Variants in IDE observed in about 807,000 individuals in gnomAD.
IDE encodes insulin-degrading enzyme.
Under a neutral mutation model 133.2 loss-of-function variants are expected in IDE, and 58 were observed. That is an observed-to-expected ratio of 0.44 (90% CI 0.35 to 0.54). IDE has a LOEUF of 0.54. IDE is among the 20% of genes least tolerant of loss of function. IDE has a pLI of 0.00. For synonymous variants in IDE, 396 were observed against 421.3 expected (o/e 0.94, Z 0.73); for missense variants, 981 against 1,234.0 (o/e 0.79, Z 3.07).
chr10:92,508,995 G>C lies in IDE; in HGVS notation c.898-105C>G, dbSNP rs1366633670. 4.7e-6 allele frequency: 4 copies of C among 852,590 alleles called. No homozygotes were observed. The African/African-American group carries it at 5.1e-5, about 11-fold the overall frequency. The allele number at this position is 852,590 out of a possible 1,614,324, so 52.8% of individuals were successfully genotyped here. On this transcript the variant is annotated intron_variant, in intron 6 of 24. Coordinates refer to ENST00000265986, the MANE Select transcript of IDE (RefSeq NM_004969.4). ...TCATGGGAGAATCCCAAATTTAAGA[G>C]CAAATCAATTGCCACAGAAAATGAT...
intron 1 of IDE, among the ~76,000 whole-genome samples, chr10:92,558,014 T>C (rs532758198): frequency 1.3e-5 from 2 of 152,096 alleles, no homozygotes; most frequent in South Asian, 4.1e-4. Context: ...TAATTCAAAA[T>C]AGATCAAAGA....
chr10:92,506,548 G>A (rs1848300333), intron 9 of IDE, 26 bp from the exon 10 acceptor site: 3 of 1,133,458 alleles, frequency 2.6e-6, no homozygotes, highest in African/African-American at 1.6e-5. Context: ...AATCCAATTA[G>A]ATACGGCCAC....
intron 21 of IDE, among the ~76,000 whole-genome samples, chr10:92,462,696 G>A (rs1032012765): frequency 2.6e-5 from 4 of 152,230 alleles, no homozygotes; most frequent in African/African-American, 9.6e-5. Flanking sequence ...CTGGCTCTCT[G>A]GTTATGAGCT....
intron 16 of IDE, 77 bp downstream of exon 16, chr10:92,475,806 AT>A: frequency 1.6e-6 from 1 of 612,968 alleles, no homozygotes; most frequent in South Asian, 2.3e-5. Context: ...CTTTTATATT[AT>A]AAAAACTATT....
intron 4 of IDE, among the ~76,000 whole-genome samples, chr10:92,517,845 G>A (rs1849009589): frequency 6.6e-6 from 1 of 152,068 alleles, no homozygotes; most frequent in Admixed American, 6.6e-5. Flanking sequence ...GAAACCAGGA[G>A]GCAGAGACTG....
chr10:92,532,856 T>G (rs1257014650), intron 3 of IDE, among the ~76,000 whole-genome samples: 1 of 152,212 alleles, frequency 6.6e-6, no homozygotes, highest in African/African-American at 2.4e-5. Flanking sequence ...AACATCTCAG[T>G]TACTACGCCT....
intron 1 of IDE, among the ~76,000 whole-genome samples, chr10:92,545,246 C>A (rs1451129360): frequency 6.6e-6 from 1 of 151,984 alleles, no homozygotes; most frequent in Non-Finnish European, 1.5e-5. Flanking sequence ...TAGTTCTAAC[C>A]AGTCCAAATA....
At chr10:92,511,084 TA>T (rs35891632) in intron 5 of IDE, among the ~76,000 whole-genome samples, 5,635 of 108,136 alleles carry the variant, frequency 0.052, 113 homozygotes, top group Admixed American at 0.061. Context: ...AAAGCAGTGT[TA>T]AAAAAAAAAA....
At chr10:92,534,425 C>G (rs1850125119) in intron 3 of IDE, among the ~76,000 whole-genome samples, 153 bp downstream of exon 3, 1 of 152,128 alleles carries the variant, frequency 6.6e-6, no homozygotes, top group African/African-American at 2.4e-5. Context: ...AATATGACAT[C>G]ACTCATTTTT....
intron 4 of IDE, among the ~76,000 whole-genome samples, chr10:92,521,696 T>TAAG (rs1849234675): frequency 6.6e-6 from 1 of 151,580 alleles, no homozygotes; most frequent in Non-Finnish European, 1.5e-5. Flanking sequence ...ATTAAAATAA[T>TAAG]AATAATAATA....
At chr10:92,565,495 G>A (rs182034841) in intron 1 of IDE, among the ~76,000 whole-genome samples, 1 of 151,698 alleles carries the variant, frequency 6.6e-6, no homozygotes. Context: ...TCTTTGGCTA[G>A]AACTTCAGAC....
intron 4 of IDE, among the ~76,000 whole-genome samples, chr10:92,526,390 T>A (rs1256817167): frequency 3.9e-5 from 6 of 152,114 alleles, no homozygotes; most frequent in African/African-American, 1.4e-4. Context: ...AAAATCTATA[T>A]GGAATCAAGA....
chr10:92,542,894 A>G (rs997528728), intron 1 of IDE, among the ~76,000 whole-genome samples: 7 of 152,238 alleles, frequency 4.6e-5, no homozygotes, highest in African/African-American at 1.7e-4. Flanking sequence ...GGTCATTTCC[A>G]AATTCCACAC....
chr10:92,548,111 G>A (rs1440816983), intron 1 of IDE, among the ~76,000 whole-genome samples: 1 of 152,006 alleles, frequency 6.6e-6, no homozygotes, highest in Non-Finnish European at 1.5e-5. Flanking sequence ...TGTAATCCCA[G>A]CACTTTGGGA....
intron 1 of IDE, among the ~76,000 whole-genome samples, chr10:92,539,536 C>T (rs998763692): frequency 9.9e-5 from 15 of 151,960 alleles, no homozygotes; most frequent in African/African-American, 1.5e-4. Flanking sequence ...GAGGCTGAGA[C>T]GGGCGGATCA....
intron 1 of IDE, among the ~76,000 whole-genome samples, chr10:92,573,715 G>C (rs1168053810): frequency 6.6e-6 from 1 of 152,178 alleles, no homozygotes; most frequent in African/African-American, 2.4e-5. Flanking sequence ...CCCGACTCTG[G>C]ACCAGGCCTC....
chr10:92,533,681 A>C (rs1189950294), intron 3 of IDE, among the ~76,000 whole-genome samples: 1 of 151,592 alleles, frequency 6.6e-6, no homozygotes, highest in African/African-American at 2.4e-5. Context: ...TGCAACAAAA[A>C]AATTAGAAAT....
chr10:92,560,178 G>C (rs1193710106), intron 1 of IDE, among the ~76,000 whole-genome samples: 1 of 152,110 alleles, frequency 6.6e-6, no homozygotes, highest in African/African-American at 2.4e-5. Flanking sequence ...AGTTTGGCTG[G>C]TTGACTGTAA....
intron 21 of IDE, among the ~76,000 whole-genome samples, 169 bp downstream of exon 21, chr10:92,463,562 C>T (rs1845508219): frequency 6.6e-6 from 1 of 152,030 alleles, no homozygotes; most frequent in South Asian, 2.1e-4. Context: ...TAACAGAAAA[C>T]TGGGGTTAAA....
Sources: gnomAD v4.1 joint callset for allele counts (sites outside exome capture counted in the v4.1 genomes callset) on GRCh38, gnomAD v4.1.1 for gene constraint, MANE v1.5 for transcripts, NCBI Gene and HGNC (gene_info 2026-07-23, HGNC 2026-07-21) for gene names.